PCDH15: variants seen among roughly 807,000 people sequenced by gnomAD.
PCDH15 encodes protocadherin related 15.
In PCDH15, 129 loss-of-function variants were observed where a neutral mutation model predicts 178.5. The observed-to-expected ratio is 0.72, with a 90% CI of 0.63 to 0.84. PCDH15 has a LOEUF of 0.84. Ranked by LOEUF, PCDH15 falls within the 40% of genes least tolerant of loss-of-function variation. The pLI is 0.00. For missense variants in PCDH15, 2,230 were observed against 2,099.9 expected (o/e 1.06, Z -1.21); for synonymous variants, 800 against 732.0 (o/e 1.09, Z -1.50).
chr10:54,396,860 G>A (rs942457141), intron 3 of PCDH15, among the ~76,000 whole-genome samples: 2 of 152,046 alleles, frequency 1.3e-5, no homozygotes, highest in East Asian at 1.9e-4. Context: ...GATATGATAA[G>A]CCTTTATTCT....
intron 3 of PCDH15, among the ~76,000 whole-genome samples, chr10:54,524,944 C>T (rs1258933564): frequency 6.6e-6 from 1 of 152,032 alleles, no homozygotes; most frequent in African/African-American, 2.4e-5. Context: ...CTAACAGAGC[C>T]CAGGATGAGA....
intron 16 of PCDH15, among the ~76,000 whole-genome samples, chr10:54,084,272 C>A (rs1283026747): frequency 6.6e-6 from 1 of 151,402 alleles, no homozygotes; most frequent in Non-Finnish European, 1.5e-5. Context: ...ATCAGTTTTC[C>A]CTTCTGTCAA....
At chr10:55,071,184 A>C (rs7900907) in intron 2 of PCDH15, among the ~76,000 whole-genome samples, 84,554 of 151,898 alleles carry the variant, frequency 0.56, 24,001 homozygotes, top group East Asian at 0.75. Flanking sequence ...GAAGAAACTG[A>C]ATCAACTAAT....
intron 21 of PCDH15, among the ~76,000 whole-genome samples, chr10:53,978,339 A>G (rs564212007): frequency 6.6e-5 from 10 of 152,254 alleles, no homozygotes; most frequent in Non-Finnish European, 1.3e-4. Flanking sequence ...CCAACACCAC[A>G]TGGAAGCTGC....
rs1288310417 is a variant in PCDH15 at position 53,857,208 on chromosome 10, G to T, written c.3773C>A (p.Thr1258Asn). 3 of 1,610,462 alleles carry T rather than the reference G, an allele frequency of 1.9e-6. No individual in the cohort carries two copies. In the African/African-American group the frequency reaches 4.0e-5, roughly 22 times the overall value. ...MQVIVSNVPP[T>N]LVEKKIEDLT... ...ATCTTCTATCTTTTTTTCCACTAGA[G>T]TAGGAGGCACATTGGAAACAATGAC... Residue 1258 changes from threonine to asparagine, a missense_variant, in exon 28 of 38, where the codon ACT (threonine) becomes AAT (asparagine). By Grantham distance (65) the Thr-to-Asn change is moderately conservative. Coordinates refer to ENST00000644397, the MANE Select transcript of PCDH15 (RefSeq NM_001384140.1).
chr10:55,436,764 A>C (rs960951), intron 2 of PCDH15, among the ~76,000 whole-genome samples: 117,035 of 152,146 alleles, frequency 0.77, 46,312 homozygotes, highest in East Asian at 1. Flanking sequence ...TAAAAACTGA[A>C]ATTTCTTTTC....
intron 8 of PCDH15, among the ~76,000 whole-genome samples, chr10:54,303,471 T>A (rs940708615): frequency 2.6e-5 from 4 of 152,020 alleles, no homozygotes; most frequent in South Asian, 2.1e-4. Flanking sequence ...TCTCTGCAGA[T>A]GTTAGTATGT....
At chr10:54,074,206 T>C (rs1384938353) in intron 17 of PCDH15, among the ~76,000 whole-genome samples, 1 of 152,260 alleles carries the variant, frequency 6.6e-6, no homozygotes, top group Non-Finnish European at 1.5e-5. Context: ...TATTTGTTTG[T>C]ACTATCTCAA....
At chr10:54,607,103 A>C (rs2092776651) in intron 2 of PCDH15, 1 of 152,130 alleles carries the variant, frequency 6.6e-6, no homozygotes, top group Admixed American at 6.6e-5. Flanking sequence ...TTGTCAAAGT[A>C]ACTTATACTT....
In PCDH15 at chr10:54,808,902, G is replaced by T. The variant is rs116019828; in HGVS notation, c.-29+88548C>A. Among the ~76,000 whole-genome samples the T allele has an allele frequency of 6.9e-3, 1,050 of 151,646 alleles. 13 individuals carry two copies. Among genetic ancestry groups the T allele is most frequent in the African/African-American group, 0.024 (985 of 41,272 alleles). On this transcript the variant is annotated intron_variant, in intron 3 of 5. Transcript: ENST00000458638. ...TTAACTAAGCTCAAGTTCATTTTTA[G>T]GCTGATTTAGCTCTAGAGAGAATTT...
intron 18 of PCDH15, among the ~76,000 whole-genome samples, chr10:54,025,548 G>C (rs566395165): frequency 1.4e-4 from 21 of 151,350 alleles, no homozygotes; most frequent in African/African-American, 4.9e-4. Flanking sequence ...GCCCAGGCTG[G>C]AGTGCAGTGG....
intron 5 of PCDH15, among the ~76,000 whole-genome samples, chr10:54,350,819 T>C (rs11004249): frequency 0.28 from 42,670 of 151,836 alleles, 7,530 homozygotes; most frequent in Non-Finnish European, 0.4. Flanking sequence ...AGATAGATAA[T>C]AGGCCTGGAC....
At chr10:54,461,538 A>C (rs376864479) in intron 3 of PCDH15, among the ~76,000 whole-genome samples, 2 of 152,178 alleles carry the variant, frequency 1.3e-5, no homozygotes, top group African/African-American at 4.8e-5. Flanking sequence ...CGAGCTGCCT[A>C]TAGGTCTTTA....
intron 18 of PCDH15, among the ~76,000 whole-genome samples, chr10:54,057,054 C>A (rs561199094): frequency 6.6e-6 from 1 of 152,308 alleles, no homozygotes; most frequent in Non-Finnish European, 1.5e-5. Context: ...CAGCTTTGGG[C>A]AGCTCCACCC....
chr10:55,443,697 A>T (rs1468713453), intron 2 of PCDH15, among the ~76,000 whole-genome samples: 2 of 152,126 alleles, frequency 1.3e-5, no homozygotes, highest in African/African-American at 4.8e-5. Flanking sequence ...GAGTGTAAAT[A>T]AGTTCAACCA....
intron 15 of PCDH15, among the ~76,000 whole-genome samples, chr10:54,105,333 T>C (rs200982115): frequency 3.6e-5 from 3 of 84,388 alleles, no homozygotes; most frequent in Non-Finnish European, 8.8e-5. Context: ...CACACATACA[T>C]ATATATACAC....
chr10:55,204,085 G>A (rs1014765286), intron 1 of PCDH15, among the ~76,000 whole-genome samples: 32 of 149,264 alleles, frequency 2.1e-4, no homozygotes, highest in African/African-American at 7.3e-4. Flanking sequence ...ATTATATATA[G>A]TGCATTTATT....
rs761347698 is a variant in PCDH15 at position 53,821,928 on chromosome 10, T to C, written c.4368-1698A>G. The stretch of plus-strand genomic sequence containing the variant: ...GACAATATTGTTCAAACTCCCCTTG[T>C]TTTGTTCAGATGTGATTTCCATATT... On this transcript the variant is annotated intron_variant, in intron 32 of 37. Transcript: ENST00000644397. 1.2e-6 allele frequency: 2 copies of C among 1,613,756 alleles called. No individual in the cohort carries two copies. Among genetic ancestry groups the C allele is most frequent in the East Asian group, 4.5e-5 (2 of 44,864 alleles).
At position 53,896,495 on chromosome 10, in the gene PCDH15, C is replaced by G. The variant is rs149863734; in HGVS notation, c.3501+6748G>C. Among the ~76,000 whole-genome samples the G allele has an allele frequency of 4.9e-3, 753 of 152,234 alleles. 4 individuals carry two copies. The highest frequency in any genetic ancestry group is 0.017 in the African/African-American group (720 of 41,556). On this transcript the variant is annotated intron_variant, in intron 26 of 37. Transcript: ENST00000644397. ...TTGCTTCACTCAGTCATTTATAGCA[C>G]CCTTGTTGCAGGAGTCTGCTATTCT...
Sources: allele counts gnomAD v4.1 joint callset (sites outside exome capture counted in the v4.1 genomes callset), GRCh38; gene constraint gnomAD v4.1.1; transcripts MANE v1.5; gene names NCBI Gene and HGNC (gene_info 2026-07-23, HGNC 2026-07-21).